The following CENPE variants were observed in gnomAD, a reference collection of about 807,000 sequenced individuals.
CENPE encodes centromere-associated protein E.
Under a neutral mutation model 336.1 loss-of-function variants are expected in CENPE, and 145 were observed. The observed-to-expected ratio is 0.43, with a 90% confidence interval of 0.38 to 0.50. The LOEUF is 0.50. Among genes scored for constraint, CENPE ranks in the 20% least tolerant of loss-of-function variants. The pLI, the probability that CENPE is intolerant of heterozygous loss-of-function variation, is 0.00. For synonymous variants in CENPE, 1,013 were observed against 984.8 expected (o/e 1.03, Z -0.54); for missense variants, 2,719 against 3,023.3 (o/e 0.90, Z 2.36).
chr4:103,151,281 C>T lies in CENPE; in HGVS notation c.3334G>A (p.Glu1112Lys), dbSNP rs907159207. 1 of 1,606,530 alleles carries T rather than the reference C, an allele frequency of 6.2e-7. No homozygotes were observed. ...TCACAGGTCCTAGAAAGCTCTCCTTCTTTCTTTATGGCATGGTTCTTTTCT... is the reference window on the plus strand; with the variant it reads ...TCACAGGTCCTAGAAAGCTCTCCTTTTTTCTTTATGGCATGGTTCTTTTCT... ...AQEKNHAIKK[E>K]GELSRTCDRL... The change falls in exon 26 of 49, where the codon GAA (glutamate) becomes AAA (lysine). Residue 1112 changes from glutamate to lysine, a missense_variant. By Grantham distance (56) the Glu-to-Lys change is moderately conservative. Coordinates refer to ENST00000265148, the MANE Select transcript of CENPE (RefSeq NM_001813.3).
chr4:103,153,885 A>G (rs1753758911), intron 24 of CENPE, among the ~76,000 whole-genome samples: 1 of 152,166 alleles, frequency 6.6e-6, no homozygotes, highest in Non-Finnish European at 1.5e-5. Flanking sequence ...TAGGGGGATA[A>G]ATAATTTTGA....
chr4:103,169,988 A>G (rs1755258558), intron 16 of CENPE, among the ~76,000 whole-genome samples: 1 of 152,210 alleles, frequency 6.6e-6, no homozygotes, highest in African/African-American at 2.4e-5. Flanking sequence ...TTGCAGGGAC[A>G]TGGATGAAGC....
chr4:103,164,476 A>G (rs1292521181), intron 16 of CENPE, among the ~76,000 whole-genome samples: 1 of 152,118 alleles, frequency 6.6e-6, no homozygotes, highest in East Asian at 1.9e-4. Flanking sequence ...AAGTGTTGAC[A>G]TTACTATTTT....
At chr4:103,134,792 A>G (rs72946134) in intron 40 of CENPE, among the ~76,000 whole-genome samples, 1,541 of 152,290 alleles carry the variant, frequency 0.01, 30 homozygotes, top group African/African-American at 0.035. Context: ...CCAGGGCCCG[A>G]AGGGCAATCT....
intron 43 of CENPE, 25 bp from the exon 44 acceptor site, chr4:103,120,358 A>G (rs1383404996): frequency 6.4e-7 from 1 of 1,567,316 alleles, no homozygotes; most frequent in South Asian, 1.2e-5. Context: ...ACACATTCAT[A>G]AGCTCTATCA....
At chr4:103,112,975 A>T (rs1386488348) in intron 46 of CENPE, among the ~76,000 whole-genome samples, 12 of 33,730 alleles carry the variant, frequency 3.6e-4, no homozygotes, top group Non-Finnish European at 5.2e-4. Context: ...TAAGTATATA[A>T]GTGTATATAT....
chr4:103,154,243 T>C (rs1339776502), intron 24 of CENPE, among the ~76,000 whole-genome samples: 1 of 151,736 alleles, frequency 6.6e-6, no homozygotes, highest in African/African-American at 2.4e-5. Context: ...AACAAACTAT[T>C]AGAATTCTGG....
chr4:103,141,452 T>C (rs559765627), intron 35 of CENPE, among the ~76,000 whole-genome samples: 6 of 152,206 alleles, frequency 3.9e-5, no homozygotes, highest in African/African-American at 9.6e-5. Context: ...TTTGAACCTA[T>C]ATATCACAAT....
At position 103,117,307 on chromosome 4, in the gene CENPE, CATT is replaced by C. The variant is rs568269987; in HGVS notation, c.7330-621_7330-619del. On this transcript the variant is annotated intron_variant, in intron 44 of 48. Transcript: ENST00000265148. ...TTGTTATAAGTGATGAATATTGATACATTATTATTAAAATCTATAATTTCCATG... is the reference window on the plus strand; with the variant it reads ...TTGTTATAAGTGATGAATATTGATACATTATTAAAATCTATAATTTCCATG... Among the ~76,000 whole-genome samples the C allele has an allele frequency of 5.6e-4, 85 of 152,228 alleles. 1 individual carries two copies. Among genetic ancestry groups the C allele is most frequent in the South Asian group, 1.9e-3 (9 of 4,816 alleles).
chr4:103,149,490 C>T, intron 26 of CENPE, 82 bp from the exon 27 acceptor site: 3 of 1,202,672 alleles, frequency 2.5e-6, no homozygotes, highest in Non-Finnish European at 3.4e-6. Flanking sequence ...GCCTTGCCTC[C>T]TATCAGCATA....
intron 8 of CENPE, among the ~76,000 whole-genome samples, chr4:103,189,692 A>T (rs1482832813): frequency 2.6e-5 from 4 of 152,232 alleles, no homozygotes; most frequent in Admixed American, 2.0e-4. Flanking sequence ...ATCATACTGA[A>T]TGGGCAAAAA....
intron 8 of CENPE, among the ~76,000 whole-genome samples, chr4:103,188,102 A>C (rs1756961759): frequency 6.6e-6 from 1 of 152,180 alleles, no homozygotes; most frequent in Non-Finnish European, 1.5e-5. Flanking sequence ...TAACTATCCT[A>C]AATATATATG....
intron 1 of CENPE, among the ~76,000 whole-genome samples, chr4:103,197,709 C>A (rs140130445): frequency 6.6e-6 from 1 of 152,200 alleles, no homozygotes; most frequent in African/African-American, 2.4e-5. Flanking sequence ...CACTTAACAT[C>A]CTACATTTTC....
At chr4:103,107,331 T>C (rs886276059) in intron 48 of CENPE, among the ~76,000 whole-genome samples, 2 of 152,352 alleles carry the variant, frequency 1.3e-5, no homozygotes, top group Middle Eastern at 6.8e-3. Flanking sequence ...AGAACACTTT[T>C]AGACTGTCAA....
Position 103,163,545 on chromosome 4 carries a change from T to G in CENPE, c.1656A>C (p.Leu552=), listed in dbSNP as rs746517861. The change falls in exon 17 of 49, where the codon CTA becomes CTC. Residue 552 remains leucine (L), a synonymous_variant. Coordinates refer to ENST00000265148, the MANE Select transcript of CENPE (RefSeq NM_001813.3). ...TCTTTAAGTTCGAAATTTCATGAAT[T>G]AGTTGCATCTGTAAGAGCATGTGAA... ...RKTKKDQEMQ[L]IHEISNLKNL... The G allele has an allele frequency of 1.9e-6, 3 of 1,576,248 alleles. No individual in the cohort carries two copies. Among genetic ancestry groups the G allele is most frequent in the Non-Finnish European group, 2.6e-6 (3 of 1,159,126 alleles).
chr4:103,149,492 A>G (rs557205289), intron 26 of CENPE, 84 bp from the exon 27 acceptor site: 2 of 1,179,356 alleles, frequency 1.7e-6, no homozygotes, highest in East Asian at 2.5e-5. Flanking sequence ...CTTGCCTCCT[A>G]TCAGCATATA....
In CENPE at chr4:103,106,303, T is replaced by C. The variant is rs1054260235; in HGVS notation, c.8025A>G (p.Ala2675=). Residue 2675 remains alanine, a synonymous_variant, in exon 49 of 49, where the codon GCA becomes GCG. Coordinates refer to ENST00000265148, the MANE Select transcript of CENPE (RefSeq NM_001813.3). ...GCTGAGAATCCACACTCTCTGCTCC[T>C]GCATTTTGCACCTCTGAGAAAGAAA... ...SLGLCPEVQN[A]GAESVDSQPG... is the part of the protein sequence containing the mutation. 7 of 1,589,336 alleles carry C rather than the reference T, an allele frequency of 4.4e-6. No individual in the cohort carries two copies. Among genetic ancestry groups the C allele is most frequent in the Non-Finnish European group, 6.0e-6 (7 of 1,165,876 alleles).
rs530500340 is a variant in CENPE, at chr4:103,113,795, C to T, written c.7540+660G>A. On this transcript the variant is annotated intron_variant, in intron 46 of 48. Coordinates refer to ENST00000265148, the MANE Select transcript of CENPE (RefSeq NM_001813.3). The stretch of plus-strand genomic sequence containing the variant: ...GTTAGAAGGTCAGGTGCTAACCCCA[C>T]GATTTCATATAGCCATTGAGATCTG... 1.4e-4 allele frequency among the ~76,000 whole-genome samples: 21 copies of T among 150,540 alleles called. No homozygotes were observed. In the East Asian group the frequency reaches 1.7e-3, roughly 13 times the overall value.
Position 103,120,299 on chromosome 4 carries a change from G to T in CENPE, c.7178C>A (p.Ala2393Asp), listed in dbSNP as rs547884725. The T allele has an allele frequency of 3.1e-6, 5 of 1,607,884 alleles. No individual in the cohort carries two copies. The East Asian group carries it at 1.1e-4, about 36-fold the overall frequency. ...IRELENSLHE[A>D]KESAMHKESK... is the part of the protein sequence containing the mutation. ...TTCCTTATGCATAGCACTTTCTTTA[G>T]CTTCATGCAGTGAATTTTCCAGCTC... The change falls in exon 44 of 49, where the codon GCT becomes GAT. Residue 2393 changes from alanine to aspartate, a missense_variant. Around this residue, in one of 5 missense-constraint regions of CENPE, gnomAD observed 2,437 missense variants for 2,513.3 expected, o/e 0.97. Coordinates refer to ENST00000265148, the MANE Select transcript of CENPE (RefSeq NM_001813.3).
Sources: gnomAD v4.1 joint callset for allele counts (sites outside exome capture counted in the v4.1 genomes callset) on GRCh38, gnomAD v4.1.1 for gene constraint, gnomAD v4.1.1 regional missense constraint, MANE v1.5 for transcripts, NCBI Gene and HGNC (gene_info 2026-07-23, HGNC 2026-07-21) for gene names.